ARHGEF10: variants seen among roughly 807,000 people sequenced by gnomAD.
ARHGEF10 encodes the protein Rho guanine nucleotide exchange factor (GEF) 10.
A neutral mutation model predicts 147.4 loss-of-function variants in ARHGEF10; 140 were observed. The ratio of observed to expected loss-of-function variants is 0.95; its 90% CI spans 0.83 to 1.09. The LOEUF (loss-of-function observed/expected upper bound fraction) is 1.09, where lower values mean the gene tolerates loss of function less well. Ranked by LOEUF, ARHGEF10 falls within the 50% of genes least tolerant of loss-of-function variation. ARHGEF10 has a pLI of 0.00. For missense variants in ARHGEF10, 2,222 were observed against 1,752.7 expected (o/e 1.27, Z -4.78); for synonymous variants, 902 against 695.8 (o/e 1.30, Z -4.67).
chr8:1,926,555 T>C (rs750783141), intron 23 of ARHGEF10, 92 bp downstream of exon 23: 7 of 1,233,952 alleles, frequency 5.7e-6, no homozygotes, highest in African/African-American at 1.5e-5. Context: ...AATTGCTCAG[T>C]AGAGAGTTGG....
At chr8:1,921,778 C>T (rs1734325211) in intron 18 of ARHGEF10, among the ~76,000 whole-genome samples, 1 of 152,074 alleles carries the variant, frequency 6.6e-6, no homozygotes, top group Non-Finnish European at 1.5e-5. Context: ...AGGAGGTCCA[C>T]ATCCGAGCCT....
At chr8:1,914,370 G>C (rs1811597900) in intron 18 of ARHGEF10, among the ~76,000 whole-genome samples, 1 of 152,234 alleles carries the variant, frequency 6.6e-6, no homozygotes, top group South Asian at 2.1e-4. Context: ...TGGACACAGT[G>C]ACCGATGTGG....
rs1361545208 is a variant in ARHGEF10, at chr8:1,948,796, G to A, written c.3397+3141G>A. Reference sequence around the variant, plus strand: ...ATATTTCATAGAAATAAGCATTATTGCATTTCATGCTGTATTTAGACATTC... The same window carrying A: ...ATATTTCATAGAAATAAGCATTATTACATTTCATGCTGTATTTAGACATTC... On this transcript the variant is annotated intron_variant, in intron 27 of 28. Coordinates refer to ENST00000349830, the MANE Select transcript of ARHGEF10 (RefSeq NM_014629.4). This position sits in a 1 kb window ranked among gnomAD's most constrained non-coding sequence, Gnocchi z 4.9. Among the ~76,000 whole-genome samples the A allele has an allele frequency of 6.6e-6, 1 of 152,072 alleles. No individual in the cohort carries two copies. Among genetic ancestry groups the A allele is most frequent in the Admixed American group, 6.5e-5 (1 of 15,270 alleles).
rs1438414212 is a variant in ARHGEF10, at chr8:1,843,567, A to C, written c.37+131A>C. On this transcript the variant is annotated intron_variant, in intron 2 of 28. Transcript: ENST00000349830. The stretch of plus-strand genomic sequence containing the variant: ...GTGGAGTGAGAGCTTCTTGGGAGAA[A>C]GAGAAGGTTCTGACGTGAGCCTGGG... 9 of 765,338 alleles carry C rather than the reference A, an allele frequency of 1.2e-5. No homozygotes were observed. The Admixed American group carries it at 1.8e-4, about 15-fold the overall frequency. The allele number at this position is 765,338 out of a possible 1,614,324, so 47.4% of individuals were successfully genotyped here.
chr8:1,838,817 C>A (rs1003171808), intron 1 of ARHGEF10, among the ~76,000 whole-genome samples: 1 of 151,968 alleles, frequency 6.6e-6, no homozygotes, highest in African/African-American at 2.4e-5. Flanking sequence ...GGCGTGGATG[C>A]CGTCCAGTGT....
chr8:1,920,328 A>G lies in ARHGEF10; in HGVS notation c.2144-2636A>G, dbSNP rs533257844. 1.1e-3 allele frequency among the ~76,000 whole-genome samples: 160 copies of G among 152,290 alleles called. 1 individual carries two copies. Among genetic ancestry groups the G allele is most frequent in the African/African-American group, 3.2e-3 (132 of 41,566 alleles). ...CACTTATAATTTTATTTACTCATTT[A>G]TTTATTAATTTTGATACAAGGCCTT... On this transcript the variant is annotated intron_variant, in intron 18 of 28. Transcript: ENST00000349830.
rs1407054666 is a variant in ARHGEF10 at position 1,893,601 on chromosome 8, C to T, written c.1215C>T (p.Val405=). The T allele has an allele frequency of 9.3e-6, 15 of 1,613,528 alleles. No homozygotes were observed. The highest frequency in any genetic ancestry group is 1.3e-5 in the African/African-American group (1 of 74,982). The part of the protein sequence containing the change: ...VVRRYILGSV[V]DSEKNYVDAL... ...GAAGATATATACTGGGTTCAGTTGTCGACAGTGAAAAGAACTACGTAGATG... is the reference window on the plus strand; with the variant it reads ...GAAGATATATACTGGGTTCAGTTGTTGACAGTGAAAAGAACTACGTAGATG... Residue 405 remains valine, a synonymous_variant, in exon 12 of 29, where the codon GTC becomes GTT. Transcript: ENST00000349830.
chr8:1,896,959 G>T (rs1405704051), intron 14 of ARHGEF10, among the ~76,000 whole-genome samples: 2 of 152,202 alleles, frequency 1.3e-5, no homozygotes, highest in Non-Finnish European at 1.5e-5. Flanking sequence ...CCCCTGATGG[G>T]TGTGGGTTAG....
chr8:1,831,587 C>T lies in ARHGEF10; in HGVS notation c.-48+7474C>T, dbSNP rs566225170. Among the ~76,000 whole-genome samples, 299 of 129,060 alleles carry T rather than the reference C, an allele frequency of 2.3e-3. 3 individuals are homozygous for T. Among genetic ancestry groups the T allele is most frequent in the African/African-American group, 7.7e-3 (263 of 34,128 alleles). The allele number at this position is 129,060 out of a possible 152,430, so 84.7% of individuals were successfully genotyped here. On this transcript the variant is annotated intron_variant, in intron 1 of 28. Transcript: ENST00000349830. ...TGACATCCGTGGAGGGACAGTGTGA[C>T]GGCCGTGGAGGGACAGTGGCAGCCG...
chr8:1,850,499 G>C (rs1205639733), intron 2 of ARHGEF10, among the ~76,000 whole-genome samples: 1 of 151,262 alleles, frequency 6.6e-6, no homozygotes, highest in Non-Finnish European at 1.5e-5. Context: ...GACGGCATGG[G>C]CCACCCGCGT....
intron 18 of ARHGEF10, among the ~76,000 whole-genome samples, chr8:1,911,885 A>G (rs1443441625): frequency 6.6e-6 from 1 of 152,184 alleles, no homozygotes; most frequent in African/African-American, 2.4e-5. Flanking sequence ...AATGGCTTCA[A>G]ATTCACTCTC....
intron 8 of ARHGEF10, among the ~76,000 whole-genome samples, chr8:1,878,131 G>A (rs1807863151): frequency 1.3e-5 from 2 of 152,016 alleles, no homozygotes; most frequent in South Asian, 4.1e-4. Context: ...GATCTTTTCT[G>A]CCACCGTCAT....
chr8:1,862,122 G>A (rs1806180048), intron 4 of ARHGEF10, among the ~76,000 whole-genome samples: 1 of 152,208 alleles, frequency 6.6e-6, no homozygotes, highest in African/African-American at 2.4e-5. Flanking sequence ...TTCCTGGGAG[G>A]TGGAAAAGCG....
chr8:1,892,548 TTG>T (rs1809626937), intron 11 of ARHGEF10, among the ~76,000 whole-genome samples: 1 of 152,004 alleles, frequency 6.6e-6, no homozygotes, highest in Non-Finnish European at 1.5e-5. Flanking sequence ...AAAATGCTCT[TTG>T]CCCGCTAGGT....
rs142879329 is a variant in ARHGEF10, at chr8:1,885,704, G to C, written c.1179G>C (p.Gln393His). The C allele has an allele frequency of 2.1e-5, 34 of 1,612,908 alleles. No homozygotes were observed. In the African/African-American group the frequency reaches 3.1e-4, roughly 15 times the overall value. ...LTPMPEGLSQ[Q>H]QVVRRYILGS... Reference sequence around the variant, plus strand: ...CGATGCCCGAGGGTTTATCTCAGCAGCAGGTGAGATGAGCAGAGCTGACAG... The same window carrying C: ...CGATGCCCGAGGGTTTATCTCAGCACCAGGTGAGATGAGCAGAGCTGACAG... The change falls in exon 11 of 29, where the codon CAG becomes CAC. Residue 393 changes from glutamine to histidine, a missense_variant. Physicochemically the swap from Gln to His is conservative, Grantham distance 24. Transcript: ENST00000349830.
chr8:1,868,364 G>A (rs151218971), intron 6 of ARHGEF10, among the ~76,000 whole-genome samples: 1 of 152,176 alleles, frequency 6.6e-6, no homozygotes, highest in East Asian at 1.9e-4. Context: ...ATATGTCATA[G>A]TTTGGACGTT....
chr8:1,886,830 C>T (rs993802744), intron 11 of ARHGEF10, among the ~76,000 whole-genome samples: 10 of 152,186 alleles, frequency 6.6e-5, no homozygotes, highest in African/African-American at 2.2e-4. Flanking sequence ...AGGAAGGGGT[C>T]GTGTCTGATC....
In ARHGEF10 at chr8:1,866,881, G is replaced by A. The variant is rs147488042; in HGVS notation, c.622+279G>A. Among the ~76,000 whole-genome samples the A allele has an allele frequency of 6.3e-3, 966 of 152,258 alleles. 5 individuals carry two copies. The highest frequency in any genetic ancestry group is 9.9e-3 in the Non-Finnish European group (670 of 68,018). The stretch of plus-strand genomic sequence containing the variant: ...GGCTTTATTATTATGGTAACAGTGA[G>A]ATATGTGGGTAACAGAAACTCTGAC... On this transcript the variant is annotated intron_variant, in intron 6 of 28. Transcript: ENST00000349830.
At chr8:1,873,688 A>G (rs866776077) in intron 7 of ARHGEF10, among the ~76,000 whole-genome samples, 964 of 44,896 alleles carry the variant, frequency 0.021, 9 homozygotes, top group East Asian at 0.062. Flanking sequence ...TCCTCGTTTC[A>G]TTGAGCGGTG....
Sources: allele counts gnomAD v4.1 joint callset (sites outside exome capture counted in the v4.1 genomes callset), GRCh38; gene constraint gnomAD v4.1.1; non-coding constraint Gnocchi (gnomAD v3.1); transcripts MANE v1.5; gene names NCBI Gene and HGNC (gene_info 2026-07-23, HGNC 2026-07-21).